Variants in OSBPL5 observed in about 807,000 individuals in gnomAD.
OSBPL5 encodes the protein oxysterol-binding protein-related protein 5.
Under a neutral mutation model 111.2 loss-of-function variants are expected in OSBPL5, and 71 were observed. That is an observed-to-expected ratio of 0.64 (90% CI 0.53 to 0.78). The LOEUF is 0.78. Ranked by LOEUF, OSBPL5 falls within the 30% of genes least tolerant of loss-of-function variation. OSBPL5 has a pLI of 0.00. For synonymous variants in OSBPL5, 549 were observed against 513.9 expected (o/e 1.07, Z -0.93); for missense variants, 1,210 against 1,189.3 (o/e 1.02, Z -0.26).
At chr11:3,094,744 T>C in intron 14 of OSBPL5, 1 of 171,390 alleles carries the variant, frequency 5.8e-6, no homozygotes, top group Non-Finnish European at 1.3e-5. Flanking sequence ...GTTCCCGCTC[T>C]GGCATTGGGC....
rs763623120 is a variant in OSBPL5 at position 3,107,964 on chromosome 11, G to A, written c.692-19C>T. The A allele has an allele frequency of 3.3e-5, 52 of 1,566,652 alleles. No homozygotes were observed. Among genetic ancestry groups the A allele is most frequent in the Non-Finnish European group, 3.8e-5 (44 of 1,168,152 alleles). ...CAGCGACCTGCGGGGCACACGGGAT[G>A]AGCATGCCCCACCCCCACCTCTGTA... On this transcript the variant is annotated intron_variant, in intron 7 of 21. Coordinates refer to ENST00000263650, the MANE Select transcript of OSBPL5 (RefSeq NM_020896.4). This position sits in a 1 kb window ranked among gnomAD's most constrained non-coding sequence, Gnocchi z 6.1.
At position 3,145,702 on chromosome 11, in the gene OSBPL5, C is replaced by T. The variant is rs60486128; in HGVS notation, c.-21-16533G>A. 6.6e-3 allele frequency among the ~76,000 whole-genome samples: 1,003 copies of T among 152,290 alleles called. 16 individuals are homozygous for T. Among genetic ancestry groups the T allele is most frequent in the African/African-American group, 0.023 (949 of 41,544 alleles). ...TCAGACCCCAGACCAGCAGGGCCAG[C>T]GAGGCATTTACAGCCCCTGTGCAGT... On this transcript the variant is annotated intron_variant, in intron 1 of 21. Coordinates refer to ENST00000263650, the MANE Select transcript of OSBPL5 (RefSeq NM_020896.4).
chr11:3,157,222 C>A (rs921229497), intron 1 of OSBPL5, among the ~76,000 whole-genome samples: 1 of 152,192 alleles, frequency 6.6e-6, no homozygotes, highest in Admixed American at 6.5e-5. Context: ...GCTTCCCGAG[C>A]ACGTGGGAAA....
intron 1 of OSBPL5, among the ~76,000 whole-genome samples, chr11:3,139,391 C>T (rs1029347406): frequency 5.9e-5 from 9 of 152,264 alleles, no homozygotes; most frequent in East Asian, 3.9e-4. Flanking sequence ...TGTGGGGCCA[C>T]GAGCAACCTG....
intron 7 of OSBPL5, among the ~76,000 whole-genome samples, chr11:3,108,647 G>T (rs573891891): frequency 6.6e-6 from 1 of 152,242 alleles, no homozygotes; most frequent in South Asian, 2.1e-4. Context: ...ACCACCCAAG[G>T]GTCCTCCTGT....
rs2134571692 is a variant in OSBPL5, at chr11:3,161,828, G to T, written c.-22+3388C>A. ...CAGGAACAGAGACTCTCTCAGAGAG[G>T]CAGCATCTGAGCTGGGACCTGAATT... On this transcript the variant is annotated intron_variant, in intron 1 of 21. Coordinates refer to ENST00000263650, the MANE Select transcript of OSBPL5 (RefSeq NM_020896.4). The surrounding 1 kb of genome is among the most constrained non-coding windows in gnomAD (Gnocchi z 8.0). 6.6e-6 allele frequency among the ~76,000 whole-genome samples: 1 copy of T among 152,340 alleles called. No homozygotes were observed. Among genetic ancestry groups the T allele is most frequent in the East Asian group, 1.9e-4 (1 of 5,178 alleles).
chr11:3,121,707 C>G lies in OSBPL5; in HGVS notation c.402+290G>C. The G allele has an allele frequency of 4.5e-6, 2 of 445,430 alleles. No individual in the cohort carries two copies. The highest frequency in any genetic ancestry group is 8.1e-6 in the Non-Finnish European group (2 of 245,550). 27.6% of individuals were successfully genotyped at this position (445,430 alleles called of 1,614,324 possible). ...TCCCCAGCGCCCTCCGCCCACTGGC[C>G]AGGCCCCACCTTATTCGGAAATGGG... is the stretch of plus-strand genomic sequence containing the variant. On this transcript the variant is annotated intron_variant, in intron 5 of 21. Coordinates refer to ENST00000263650, the MANE Select transcript of OSBPL5 (RefSeq NM_020896.4). The surrounding 1 kb of genome is among the most constrained non-coding windows in gnomAD (Gnocchi z 4.3).
intron 7 of OSBPL5, among the ~76,000 whole-genome samples, chr11:3,118,603 CCT>C (rs1246530316): frequency 6.7e-6 from 1 of 148,288 alleles, no homozygotes; most frequent in Non-Finnish European, 1.5e-5. Context: ...ATGGAGTCTC[CCT>C]CTGTCACCCA....
intron 19 of OSBPL5, among the ~76,000 whole-genome samples, chr11:3,091,590 C>T (rs1857056705): frequency 6.6e-6 from 1 of 151,780 alleles, no homozygotes; most frequent in South Asian, 2.1e-4. Context: ...GGTCTGGGGC[C>T]AAGGGAAGGC....
At position 3,100,048 on chromosome 11, in the gene OSBPL5, G is replaced by A. The variant is rs894577306; in HGVS notation, c.1621+110C>T. 1.8e-5 allele frequency: 14 copies of A among 786,990 alleles called. No homozygotes were observed. In the Admixed American group the frequency reaches 2.9e-4, roughly 17 times the overall value. 48.8% of individuals were successfully genotyped at this position (786,990 alleles called of 1,614,324 possible). On this transcript the variant is annotated intron_variant, in intron 14 of 21. Coordinates refer to ENST00000263650, the MANE Select transcript of OSBPL5 (RefSeq NM_020896.4). ...AAAAAAAAAAAAAAAGTCATGGGCA[G>A]ATGAAGGCGAAGTAAAGATACCTTC...
rs1314565730 is a variant in OSBPL5, at chr11:3,089,876, G to C, written c.2471C>G (p.Ser824Cys). 4 of 1,565,016 alleles carry C rather than the reference G, an allele frequency of 2.6e-6. No homozygotes were observed. The African/African-American group carries it at 5.4e-5, about 21-fold the overall frequency. Reference sequence around the variant, plus strand: ...CAGCTCCTGCTGGGCCTCTCGGATGGAGAGGATGGCCTCGTGCAGGGCCTG... The same window carrying C: ...CAGCTCCTGCTGGGCCTCTCGGATGCAGAGGATGGCCTCGTGCAGGGCCTG... ...RLQALHEAIL[S>C]IREAQQELHR... Residue 824 changes from serine to cysteine, a missense_variant, in exon 21 of 22, where the codon TCC becomes TGC. Physicochemically the swap from Ser to Cys is moderately radical, Grantham distance 112. Transcript: ENST00000263650.
intron 1 of OSBPL5, among the ~76,000 whole-genome samples, chr11:3,150,800 A>G (rs538857821): frequency 2.1e-4 from 32 of 152,162 alleles, no homozygotes; most frequent in African/African-American, 7.2e-4. Flanking sequence ...AGAACTAAAC[A>G]CGACTGTGAT....
intron 1 of OSBPL5, among the ~76,000 whole-genome samples, chr11:3,152,581 G>T (rs371328905): frequency 2.0e-5 from 3 of 152,184 alleles, no homozygotes; most frequent in South Asian, 2.1e-4. Flanking sequence ...GGGCCTGCAG[G>T]ATTATCGGGA....
intron 7 of OSBPL5, among the ~76,000 whole-genome samples, chr11:3,117,239 C>G (rs1193701894): frequency 1.3e-5 from 2 of 149,364 alleles, no homozygotes; most frequent in Admixed American, 6.6e-5. Flanking sequence ...CTTGGAAAAA[C>G]TGGCCTCATA....
Position 3,121,770 on chromosome 11 carries a change from C to G in OSBPL5, c.402+227G>C. On this transcript the variant is annotated intron_variant, in intron 5 of 21. Coordinates refer to ENST00000263650, the MANE Select transcript of OSBPL5 (RefSeq NM_020896.4). This position sits in a 1 kb window ranked among gnomAD's most constrained non-coding sequence, Gnocchi z 4.3. ...ATAATCAGGTGAAGATGGGGCTACA[C>G]TGGAGTAAGGTGGCCCTAATTCCTA... 1.7e-6 allele frequency: 1 copy of G among 573,538 alleles called. No individual in the cohort carries two copies. The highest frequency in any genetic ancestry group is 3.1e-6 in the Non-Finnish European group (1 of 321,304). The allele number at this position is 573,538 out of a possible 1,614,324, so 35.5% of individuals were successfully genotyped here.
intron 7 of OSBPL5, among the ~76,000 whole-genome samples, chr11:3,111,911 T>A (rs1857954473): frequency 6.6e-6 from 1 of 151,912 alleles, no homozygotes. Flanking sequence ...TCAAAGAAGC[T>A]CAATGGTTAA....
intron 20 of OSBPL5, 60 bp downstream of exon 20, chr11:3,090,498 G>A (rs1488745209): frequency 6.3e-7 from 1 of 1,580,522 alleles, no homozygotes; most frequent in African/African-American, 1.3e-5. Context: ...CTCCAGCCAG[G>A]TCAGCATCTG....
intron 1 of OSBPL5, among the ~76,000 whole-genome samples, chr11:3,163,144 G>A (rs1412696943): frequency 6.6e-6 from 1 of 152,186 alleles, no homozygotes; most frequent in Non-Finnish European, 1.5e-5. Flanking sequence ...GCCTCTCCGG[G>A]AGAACCCTGA....
rs1564830387 is a variant in OSBPL5, at chr11:3,103,811, CCTGCCTGCG to C, written c.1244+373_1244+381del. Among the ~76,000 whole-genome samples the C allele has an allele frequency of 8.4e-3, 474 of 56,732 alleles. 15 individuals carry two copies. The highest frequency in any genetic ancestry group is 0.021 in the African/African-American group (425 of 19,958). The allele number at this position is 56,732 out of a possible 152,430, so 37.2% of individuals were successfully genotyped here. ...CCCTTCCTGCCTCTGCAGCCCTCTT[CCTGCCTGCG>C]CAGCCCCCTTCCAGCCTCTGCAGCC... On this transcript the variant is annotated intron_variant, in intron 10 of 21. Transcript: ENST00000263650.
Sources: gnomAD v4.1 joint callset for allele counts (sites outside exome capture counted in the v4.1 genomes callset) on GRCh38, gnomAD v4.1.1 for gene constraint, Gnocchi (gnomAD v3.1) non-coding constraint, MANE v1.5 for transcripts, NCBI Gene and HGNC (gene_info 2026-07-23, HGNC 2026-07-21) for gene names.